Variants in SKIC3 observed in about 807,000 individuals in gnomAD.
SKIC3 encodes the protein superkiller complex protein 3.
the SKIC3 span, among the ~76,000 whole-genome samples, chr5:95,479,675 TTGTG>T: frequency 0.19 from 27,347 of 143,880 alleles, 2,804 homozygotes; most frequent in East Asian, 0.33. Context: ...GGAAAAAACA[TTGTG>T]TGTGTGTGTG....
At chr5:95,513,699 T>C in the SKIC3 span, 2 of 1,522,952 alleles carry the variant, frequency 1.3e-6, no homozygotes, top group Non-Finnish European at 1.8e-6. Context: ...GTAACAATAA[T>C]AATACAAAAT....
the SKIC3 span, among the ~76,000 whole-genome samples, chr5:95,513,919 C>T: frequency 3.9e-5 from 6 of 152,290 alleles, no homozygotes; most frequent in African/African-American, 9.6e-5. Flanking sequence ...CAGTACTACG[C>T]GAAGTGAGGT....
the SKIC3 span, chr5:95,491,062 A>G: frequency 6.2e-7 from 1 of 1,613,220 alleles, no homozygotes; most frequent in East Asian, 2.2e-5. Flanking sequence ...ACACAGTGAT[A>G]AGTCTTGTTA....
At chr5:95,467,646 A>G in the SKIC3 span, among the ~76,000 whole-genome samples, 43 of 152,300 alleles carry the variant, frequency 2.8e-4, no homozygotes, top group South Asian at 8.9e-3. Context: ...CTGTATATTT[A>G]ACCTTTAAAC....
chr5:95,549,482 G>A, the SKIC3 span, among the ~76,000 whole-genome samples: 2 of 151,828 alleles, frequency 1.3e-5, no homozygotes, highest in African/African-American at 4.8e-5. Flanking sequence ...TTTTTCTCTT[G>A]GTAATCAATT....
At chr5:95,469,748 A>G in the SKIC3 span, 2 of 1,612,982 alleles carry the variant, frequency 1.2e-6, no homozygotes, top group African/African-American at 1.3e-5. Context: ...GTGAAGAAGC[A>G]TTTATAAGAA....
chr5:95,491,952 C>T, the SKIC3 span, among the ~76,000 whole-genome samples: 2 of 152,038 alleles, frequency 1.3e-5, no homozygotes, highest in Non-Finnish European at 2.9e-5. Context: ...TATCTGACCA[C>T]CCCACCCAAT....
the SKIC3 span, chr5:95,503,778 C>A: frequency 6.2e-7 from 1 of 1,612,308 alleles, no homozygotes; most frequent in South Asian, 1.1e-5. Context: ...AAACTCGACT[C>A]TAAATGTGTC....
the SKIC3 span, among the ~76,000 whole-genome samples, chr5:95,476,261 C>G: frequency 6.6e-6 from 1 of 152,126 alleles, no homozygotes; most frequent in African/African-American, 2.4e-5. Flanking sequence ...CCTGGGGGCA[C>G]TGGAATGTCC....
the SKIC3 span, among the ~76,000 whole-genome samples, chr5:95,464,984 G>A: frequency 3.0e-5 from 4 of 132,590 alleles, no homozygotes; most frequent in East Asian, 4.4e-4. Flanking sequence ...GAGTGTAATC[G>A]TCTGATCTTG....
the SKIC3 span, among the ~76,000 whole-genome samples, chr5:95,552,788 A>G: frequency 3.3e-5 from 5 of 151,934 alleles, no homozygotes. Flanking sequence ...TTGTACGTTC[A>G]CAAAAGAGTA....
At chr5:95,523,674 C>G in the SKIC3 span, 5 of 1,613,420 alleles carry the variant, frequency 3.1e-6, no homozygotes, top group East Asian at 2.2e-5. Context: ...AAGCTCCACA[C>G]TTAGGTCAAC....
At chr5:95,512,982 TATCTC>T in the SKIC3 span, 1 of 247,508 alleles carries the variant, frequency 4.0e-6, no homozygotes, top group Non-Finnish European at 7.9e-6. Flanking sequence ...GCCTACTCCT[TATCTC>T]ATGTCTATCT....
At chr5:95,516,826 T>C in the SKIC3 span, 1 of 1,572,534 alleles carries the variant, frequency 6.4e-7, no homozygotes, top group Non-Finnish European at 8.7e-7. Flanking sequence ...TGTGGTTTTA[T>C]GTGAAAACAC....
chr5:95,529,946 C>T, the SKIC3 span: 2 of 938,842 alleles, frequency 2.1e-6, no homozygotes, highest in Non-Finnish European at 1.6e-6. Context: ...AGAGTTCAAA[C>T]CTAAGCAGAG....
At chr5:95,512,367 A>C in the SKIC3 span, 4 of 1,304,920 alleles carry the variant, frequency 3.1e-6, no homozygotes, top group African/African-American at 3.0e-5. Context: ...AGGCAAATTC[A>C]TGTCTTAAAG....
the SKIC3 span, chr5:95,524,477 G>A: frequency 3.7e-6 from 6 of 1,612,866 alleles, no homozygotes; most frequent in African/African-American, 2.7e-5. Flanking sequence ...TCAGAAAGTG[G>A]GTAAGAGCCT....
At chr5:95,474,853 C>A in the SKIC3 span, among the ~76,000 whole-genome samples, 1 of 152,146 alleles carries the variant, frequency 6.6e-6, no homozygotes, top group Non-Finnish European at 1.5e-5. Flanking sequence ...TTAAAAGAAC[C>A]ACTTTGTGAG....
At chr5:95,547,100 G>T in the SKIC3 span, 1 of 1,613,280 alleles carries the variant, frequency 6.2e-7, no homozygotes, top group Non-Finnish European at 8.5e-7. Flanking sequence ...CTTTGTTTCT[G>T]ATTGCATCTC....
Sources: allele counts gnomAD v4.1 joint callset (sites outside exome capture counted in the v4.1 genomes callset), GRCh38; gene constraint gnomAD v4.1.1; transcripts MANE v1.5; gene names NCBI Gene and HGNC (gene_info 2026-07-23, HGNC 2026-07-21).